Variants in NLGN4X observed in about 807,000 individuals in gnomAD.
NLGN4X encodes neuroligin-4, X-linked.
Under a neutral mutation model 40.3 loss-of-function variants are expected in NLGN4X, and 3 were observed. That is an observed-to-expected ratio of 0.07 (90% confidence interval 0.03 to 0.19). The LOEUF is 0.19. Ranked by LOEUF, NLGN4X falls within the 10% of genes least tolerant of loss-of-function variation. NLGN4X has a pLI of 1.00. For missense variants in NLGN4X, 382 were observed against 708.3 expected, an observed-to-expected ratio of 0.54 and a Z score of 5.23; for synonymous variants, 270 against 306.8, an observed-to-expected ratio of 0.88 and a Z score of 1.25.
chrX:6,090,737 G>A (rs781654807), intron 2 of NLGN4X, among the ~76,000 whole-genome samples: 1 of 111,250 alleles, frequency 9.0e-6, no homozygotes, highest in Non-Finnish European at 1.9e-5. Context: ...CACAACCAGG[G>A]GTGGTTTCGC....
intron 3 of NLGN4X, among the ~76,000 whole-genome samples, chrX:6,012,004 A>G (rs930990181): frequency 9.0e-6 from 1 of 111,699 alleles, no homozygotes; most frequent in African/African-American, 3.2e-5. Flanking sequence ...TTTGAATAAG[A>G]CCCTTTTTTA....
chrX:6,133,433 T>C (rs1249845132), intron 2 of NLGN4X, among the ~76,000 whole-genome samples: 1 of 112,254 alleles, frequency 8.9e-6, no homozygotes, highest in Non-Finnish European at 1.9e-5. Flanking sequence ...ATCTTGAAGG[T>C]CACTTCAGAA....
chrX:5,952,344 C>T (rs1380688158), intron 3 of NLGN4X, among the ~76,000 whole-genome samples: 2 of 111,789 alleles, frequency 1.8e-5, no homozygotes, highest in East Asian at 5.6e-4. Flanking sequence ...ATGTTAGGTG[C>T]GCCCAGTGGA....
At chrX:6,130,448 T>C (rs1369297568) in intron 2 of NLGN4X, among the ~76,000 whole-genome samples, 2 of 112,314 alleles carry the variant, frequency 1.8e-5, no homozygotes, top group Non-Finnish European at 3.8e-5. Flanking sequence ...TTTTTAAGAC[T>C]GTGTGCTTTA....
intron 3 of NLGN4X, among the ~76,000 whole-genome samples, chrX:5,944,418 G>C (rs1019172664): frequency 1.1e-4 from 12 of 110,337 alleles, no homozygotes; most frequent in African/African-American, 4.0e-4. Flanking sequence ...AAGTCAAGGA[G>C]GGAGGAATGT....
At chrX:6,093,819 T>C (rs759063784) in intron 2 of NLGN4X, among the ~76,000 whole-genome samples, 9 of 111,975 alleles carry the variant, frequency 8.0e-5, no homozygotes, top group Non-Finnish European at 1.5e-4. Flanking sequence ...GCAAGAATAT[T>C]ACATAGTAAA....
chrX:6,210,340 C>T (rs947001585), intron 1 of NLGN4X, among the ~76,000 whole-genome samples: 1 of 109,438 alleles, frequency 9.1e-6, no homozygotes, highest in Non-Finnish European at 1.9e-5. Context: ...CTCATCAGAT[C>T]TGTATCTCTG....
chrX:6,048,065 C>CA (rs778570206), intron 2 of NLGN4X, among the ~76,000 whole-genome samples: 82 of 111,774 alleles, frequency 7.3e-4, no homozygotes, highest in Non-Finnish European at 1.4e-3. Context: ...CCTGTGCTTC[C>CA]ACCAGCTGCC....
chrX:6,050,502 T>C (rs1309581025), intron 2 of NLGN4X, among the ~76,000 whole-genome samples: 1 of 111,533 alleles, frequency 9.0e-6, no homozygotes, highest in East Asian at 2.8e-4. Context: ...ATATCTACCA[T>C]ATATCTACCT....
intron 3 of NLGN4X, among the ~76,000 whole-genome samples, chrX:5,955,875 C>T (rs945201183): frequency 1.9e-5 from 2 of 105,540 alleles, no homozygotes. Context: ...CACAGATCAA[C>T]GAGATTCAAG....
At chrX:5,938,425 G>A (rs1438379487) in intron 3 of NLGN4X, among the ~76,000 whole-genome samples, 3 of 110,410 alleles carry the variant, frequency 2.7e-5, no homozygotes, top group African/African-American at 9.9e-5. Flanking sequence ...AAGAGTCAAG[G>A]GCTACTGGCA....
rs759303716 is a variant in NLGN4X at position 5,915,722 on chromosome X, T to C, written c.626-6483A>G. ...ACCCAGCTGATTTTTGTATGTTTAG[T>C]AGAGACGGGGTTTCATCATGTTGGC... On this transcript the variant is annotated intron_variant, in intron 3 of 5. Transcript: ENST00000381095. Among the ~76,000 whole-genome samples, 4 of 111,869 alleles carry C rather than the reference T, an allele frequency of 3.6e-5. No homozygotes were observed. In the South Asian group the frequency reaches 1.5e-3, roughly 42 times the overall value.
intron 3 of NLGN4X, among the ~76,000 whole-genome samples, chrX:6,026,009 G>A (rs757377715): frequency 2.0e-4 from 22 of 110,221 alleles, no homozygotes; most frequent in Non-Finnish European, 2.6e-4. Flanking sequence ...CTTTTATACT[G>A]TACAACAACC....
At chrX:5,975,630 G>T (rs1280974987) in intron 3 of NLGN4X, among the ~76,000 whole-genome samples, 1 of 94,480 alleles carries the variant, frequency 1.1e-5, no homozygotes, top group African/African-American at 4.2e-5. Flanking sequence ...AAAAAAAAAA[G>T]CAGTTTAAAA....
chrX:6,102,400 G>A (rs1248991066), intron 2 of NLGN4X, among the ~76,000 whole-genome samples: 2 of 111,192 alleles, frequency 1.8e-5, no homozygotes, highest in African/African-American at 6.5e-5. Context: ...TCATGAATGG[G>A]ATCAGTGCCC....
At chrX:6,101,037 T>C (rs755822730) in intron 2 of NLGN4X, among the ~76,000 whole-genome samples, 9 of 109,684 alleles carry the variant, frequency 8.2e-5, no homozygotes, top group Admixed American at 6.8e-4. Flanking sequence ...CCCAAAGGAG[T>C]CACTTGAAAG....
chrX:5,939,568 A>C (rs999110283), intron 3 of NLGN4X, among the ~76,000 whole-genome samples: 8 of 111,645 alleles, frequency 7.2e-5, no homozygotes, highest in African/African-American at 2.6e-4. Context: ...TGTTTTACTA[A>C]CCCTTCCCAT....
At chrX:6,102,984 T>C (rs2038951948) in intron 2 of NLGN4X, among the ~76,000 whole-genome samples, 1 of 111,432 alleles carries the variant, frequency 9.0e-6, no homozygotes, top group Non-Finnish European at 1.9e-5. Flanking sequence ...GGAAGGTGAT[T>C]AGGGAAGCTG....
At chrX:6,037,500 T>C (rs1315311103) in intron 2 of NLGN4X, among the ~76,000 whole-genome samples, 2 of 110,529 alleles carry the variant, frequency 1.8e-5, no homozygotes, top group Non-Finnish European at 3.8e-5. Flanking sequence ...TAAATCATCA[T>C]AGAAAGTCAA....
Sources: allele counts gnomAD v4.1 joint callset (sites outside exome capture counted in the v4.1 genomes callset), GRCh38; gene constraint gnomAD v4.1.1; transcripts MANE v1.5; gene names NCBI Gene and HGNC (gene_info 2026-07-23, HGNC 2026-07-21).